UVSSA: variants seen among roughly 807,000 people sequenced by gnomAD.
UVSSA encodes UV stimulated scaffold protein A.
A neutral mutation model predicts 73.9 loss-of-function variants in UVSSA; 72 were observed. The ratio of observed to expected loss-of-function variants is 0.97; its 90% CI spans 0.81 to 1.19. The LOEUF is 1.19. Among genes scored for constraint, UVSSA ranks in the 50% most tolerant of loss-of-function variants. The pLI is 0.00. For synonymous variants in UVSSA, 454 were observed against 391.3 expected, an observed-to-expected ratio of 1.16 and a Z score of -1.89; for missense variants, 1,150 against 965.0, an observed-to-expected ratio of 1.19 and a Z score of -2.54.
At chr4:1,368,415 T>TC (rs1717608373) in intron 8 of UVSSA, among the ~76,000 whole-genome samples, 1 of 152,212 alleles carries the variant, frequency 6.6e-6, no homozygotes. Context: ...GAGGTGACTT[T>TC]CCCCAAAGAA....
rs201430636 is a variant in UVSSA at position 1,395,848 on chromosome 4, C to T, written c.*9887C>T. Reference sequence around the variant, plus strand: ...TATATTTCTCTGCACCTCGAGATAACGTAGGAATATTAGGGATGAGATGGA... The same window carrying T: ...TATATTTCTCTGCACCTCGAGATAATGTAGGAATATTAGGGATGAGATGGA... On this transcript the variant is annotated 3_prime_UTR_variant, in exon 14 of 14. Coordinates refer to the UVSSA transcript ENST00000511216. 99 of 1,612,612 alleles carry T rather than the reference C, an allele frequency of 6.1e-5. No individual in the cohort carries two copies. Among genetic ancestry groups the T allele is most frequent in the Admixed American group, 8.3e-5 (5 of 59,892 alleles).
chr4:1,367,291 T>G (rs1230645845), intron 8 of UVSSA, among the ~76,000 whole-genome samples: 1 of 152,142 alleles, frequency 6.6e-6, no homozygotes, highest in East Asian at 1.9e-4. Flanking sequence ...GGTCTACTCT[T>G]AAAGTTCCCC....
chr4:1,354,460 C>T (rs12512607), intron 5 of UVSSA: 144,942 of 469,380 alleles, frequency 0.31, 25,540 homozygotes, highest in Non-Finnish European at 0.37. Context: ...GTGGTCTCGC[C>T]CTCCAGATGG....
chr4:1,377,064 C>T (rs995224893), intron 10 of UVSSA, among the ~76,000 whole-genome samples: 2 of 152,196 alleles, frequency 1.3e-5, no homozygotes, highest in Non-Finnish European at 2.9e-5. Flanking sequence ...GCCAATGCTG[C>T]GGGGTCTGCG....
At position 1,361,258 on chromosome 4, in the gene UVSSA, C is replaced by T. The variant is rs555086942; in HGVS notation, c.1177-5062C>T. On this transcript the variant is annotated intron_variant, in intron 7 of 13. Coordinates refer to ENST00000389851, the MANE Select transcript of UVSSA (RefSeq NM_020894.4). ...CCCCTGCAGCTGGGACTCCAGGAAG[C>T]GGCCCGAGGCCCACCATGCTGGCTG... Among the ~76,000 whole-genome samples the T allele has an allele frequency of 1.5e-3, 229 of 152,344 alleles. 1 individual carries two copies. The highest frequency in any genetic ancestry group is 3.4e-3 in the Middle Eastern group (1 of 294).
In UVSSA at chr4:1,380,983, G is replaced by A. The variant is rs762934221; in HGVS notation, c.1856G>A (p.Arg619His). ...EQRRQLQKQERPEWQDPELMR... is the reference protein window; with the variant it reads ...EQRRQLQKQEHPEWQDPELMR... ...CGGCGGCAGCTGCAGAAGCAGGAGC[G>A]CCCGGGTAGGTCTGGGCAAGGCGGT... Residue 619 changes from arginine (R) to histidine (H), a missense_variant, in exon 12 of 14, where the codon CGC (arginine) becomes CAC (histidine). Arg to His is a conservative substitution (Grantham distance 29). Transcript: ENST00000389851. 8.7e-6 allele frequency: 14 copies of A among 1,612,112 alleles called. No homozygotes were observed. Among genetic ancestry groups the A allele is most frequent in the South Asian group, 2.2e-5 (2 of 90,972 alleles).
At chr4:1,392,116 T>G (rs1451512037), downstream of UVSSA, 1 of 152,244 alleles carries the variant, frequency 6.6e-6, no homozygotes, top group Non-Finnish European at 1.5e-5. Context: ...TCTTAGCAGC[T>G]GCTCTGAGTA....
At chr4:1,345,285 G>A (rs1039758521), upstream of UVSSA, among the ~76,000 whole-genome samples, 7 of 152,206 alleles carry the variant, frequency 4.6e-5, no homozygotes, top group African/African-American at 1.4e-4. Context: ...CATGGAGTGA[G>A]AGGAAGAGAG....
At chr4:1,371,956 A>G (rs1718097218) in intron 8 of UVSSA, among the ~76,000 whole-genome samples, 2 of 152,224 alleles carry the variant, frequency 1.3e-5, no homozygotes. Flanking sequence ...AAGTCCCCAC[A>G]GTCAGGGATA....
Position 1,375,468 on chromosome 4 carries a change from C to A in UVSSA, c.1393C>A (p.Arg465=). 1.9e-6 allele frequency: 3 copies of A among 1,612,380 alleles called. No individual in the cohort carries two copies. In the South Asian group the frequency reaches 3.3e-5, roughly 18 times the overall value. ...CCCCACCTCTGCGGCTGCTCAGCTG[C>A]GGCAGCTCCGGGACCACTTGCCTCC... The part of the protein sequence containing the change: ...SDPTSAAAQL[R]QLRDHLPPPS... Residue 465 remains arginine (R), a synonymous_variant, in exon 9 of 14, where the codon CGG becomes AGG. Transcript: ENST00000389851.
At chr4:1,382,860 G>T (rs1264005114) in intron 12 of UVSSA, among the ~76,000 whole-genome samples, 1 of 152,240 alleles carries the variant, frequency 6.6e-6, no homozygotes, top group Non-Finnish European at 1.5e-5. Context: ...GGTCCTGTCT[G>T]CAGGAGCGGG....
Position 1,349,617 on chromosome 4 carries a change from T to C in UVSSA, c.192T>C (p.Ile64=), listed in dbSNP as rs2276903. ...HAEIRLSAFQ[I]VEELFVRSHQ... ...AGATCCGTCTCTCAGCCTTCCAGAT[T>C]GTGGAGGAACTCTTCGTCAGGTCTC... The change falls in exon 3 of 14, where the codon ATT becomes ATC. Residue 64 remains isoleucine, a synonymous_variant. Coordinates refer to ENST00000389851, the MANE Select transcript of UVSSA (RefSeq NM_020894.4). The C allele has an allele frequency of 0.57, 919,008 of 1,613,698 alleles. 266,446 individuals carry two copies. Among genetic ancestry groups the C allele is most frequent in the African/African-American group, 0.81 (60,450 of 74,946 alleles).
intron 12 of UVSSA, among the ~76,000 whole-genome samples, chr4:1,381,802 G>C (rs548182379): frequency 5.6e-4 from 85 of 151,638 alleles, no homozygotes; most frequent in Non-Finnish European, 5.7e-4. Flanking sequence ...CTGCCAAGTA[G>C]CTGGAATTAT....
exon 14 of UVSSA, chr4:1,395,437 T>A: frequency 6.6e-7 from 1 of 1,521,386 alleles, no homozygotes; most frequent in Admixed American, 1.9e-5. Flanking sequence ...CGACGTGGAG[T>A]GCCCGCCTGC....
intron 3 of UVSSA, among the ~76,000 whole-genome samples, chr4:1,351,211 A>AC (rs920440672): frequency 1.4e-5 from 2 of 143,656 alleles, no homozygotes; most frequent in Non-Finnish European, 3.1e-5. Context: ...GACTACAAGC[A>AC]CCCCCCACCA....
At chr4:1,394,162 GCA>G (rs986654460) in exon 14 of UVSSA, 5 of 422,740 alleles carry the variant, frequency 1.2e-5, no homozygotes, top group African/African-American at 4.0e-5. Context: ...TTCCTCTCGG[GCA>G]CACACACAGC....
upstream of UVSSA, among the ~76,000 whole-genome samples, chr4:1,342,331 T>G (rs893084626): frequency 6.6e-6 from 1 of 152,198 alleles, no homozygotes; most frequent in African/African-American, 2.4e-5. Context: ...CCCTTGCTTT[T>G]CTTTGATGTC....
rs766347767 is a variant in UVSSA, at chr4:1,349,486, G to C, written c.99-38G>C. On this transcript the variant is annotated intron_variant, in intron 2 of 13. Transcript: ENST00000389851. ...GAGTCTCCCCCCGCCCATCCTCTGC[G>C]TGTGGGGCAGTTGGGTCAGGCCAGC... 3.1e-6 allele frequency: 5 copies of C among 1,590,960 alleles called. No homozygotes were observed. The African/African-American group carries it at 6.7e-5, about 21-fold the overall frequency.
intron 10 of UVSSA, among the ~76,000 whole-genome samples, chr4:1,378,868 C>T (rs1380401069): frequency 6.6e-6 from 1 of 152,248 alleles, no homozygotes; most frequent in Non-Finnish European, 1.5e-5. Flanking sequence ...GCCCGAGACG[C>T]CTCTGCCTGT....
Sources: gnomAD v4.1 joint callset for allele counts (sites outside exome capture counted in the v4.1 genomes callset) on GRCh38, gnomAD v4.1.1 for gene constraint, MANE v1.5 for transcripts, NCBI Gene and HGNC (gene_info 2026-07-23, HGNC 2026-07-21) for gene names.